The following TRMT11 variants were observed in gnomAD, a reference collection of about 807,000 sequenced individuals.
The protein encoded by TRMT11 is tRNA methyltransferase 11.
Under a neutral mutation model 62.8 loss-of-function variants are expected in TRMT11, and 53 were observed. The ratio of observed to expected loss-of-function variants is 0.84; its 90% CI spans 0.68 to 1.06. TRMT11 has a LOEUF of 1.06. Among genes scored for constraint, TRMT11 ranks in the 50% least tolerant of loss-of-function variants. The probability of loss-of-function intolerance (pLI) is 0.00; values close to 1 mark genes in which losing one functional copy is unlikely to be tolerated. For synonymous variants in TRMT11, 188 were observed against 190.3 expected, an observed-to-expected ratio of 0.99 and a Z score of 0.10; for missense variants, 556 against 553.4, an observed-to-expected ratio of 1.00 and a Z score of -0.05.
chr6:126,015,805 C>A (rs1176676274), intron 11 of TRMT11, among the ~76,000 whole-genome samples: 4 of 152,056 alleles, frequency 2.6e-5, no homozygotes, highest in Non-Finnish European at 5.9e-5. Context: ...CTCTTGTGTC[C>A]TTGGAAGTTT....
chr6:126,227,090 C>T, the TRMT11 span, among the ~76,000 whole-genome samples: 2 of 152,132 alleles, frequency 1.3e-5, no homozygotes, highest in African/African-American at 2.4e-5. Context: ...TGTAAATTGC[C>T]CAGTTTGGGT....
chr6:126,017,953 A>G (rs998411866), intron 11 of TRMT11, among the ~76,000 whole-genome samples: 4 of 152,210 alleles, frequency 2.6e-5, no homozygotes, highest in Non-Finnish European at 4.4e-5. Flanking sequence ...CCCAGGCTCC[A>G]TATATCCATT....
intron 1 of TRMT11, among the ~76,000 whole-genome samples, chr6:125,989,395 A>G (rs1326025860): frequency 6.6e-6 from 1 of 152,070 alleles, no homozygotes. Context: ...GATTACAGGC[A>G]TGAGCCACTG....
chr6:126,243,468 A>G, the TRMT11 span, among the ~76,000 whole-genome samples: 3 of 152,212 alleles, frequency 2.0e-5, no homozygotes, highest in Non-Finnish European at 2.9e-5. Flanking sequence ...TCATGCTGCT[A>G]TAAAGACACA....
intron 1 of TRMT11, among the ~76,000 whole-genome samples, chr6:126,180,012 A>G (rs1160196635): frequency 6.6e-6 from 1 of 152,186 alleles, no homozygotes; most frequent in Non-Finnish European, 1.5e-5. Flanking sequence ...AACTATAATA[A>G]ATCAATATGC....
chr6:126,232,901 C>T, the TRMT11 span, among the ~76,000 whole-genome samples: 3,535 of 152,186 alleles, frequency 0.023, 126 homozygotes, highest in African/African-American at 0.08. Context: ...AGTCATGTGG[C>T]GCTGGCTAAA....
chr6:126,155,380 C>T (rs560612805), intron 21 of TRMT11, among the ~76,000 whole-genome samples: 1 of 152,324 alleles, frequency 6.6e-6, no homozygotes, highest in African/African-American at 2.4e-5. Flanking sequence ...TTCAGTATTA[C>T]ATTTTAACAT....
chr6:126,080,105 GTTGTTGTTT>G (rs1176075504), intron 17 of TRMT11, among the ~76,000 whole-genome samples: 2 of 151,856 alleles, frequency 1.3e-5, no homozygotes, highest in African/African-American at 4.8e-5. Flanking sequence ...TGTTGTTGTT[GTTGTTGTTT>G]TTTTAGAGAC....
downstream of TRMT11, among the ~76,000 whole-genome samples, chr6:126,043,300 G>A (rs1446349082): frequency 1.8e-4 from 27 of 147,768 alleles, no homozygotes; most frequent in African/African-American, 6.5e-4. Flanking sequence ...GAGAACATGC[G>A]GTGTTTTGTT....
chr6:126,031,668 G>T (rs1774225394), intron 12 of TRMT11, among the ~76,000 whole-genome samples: 1 of 152,180 alleles, frequency 6.6e-6, no homozygotes, highest in Admixed American at 6.5e-5. Flanking sequence ...AGCAGTGGGG[G>T]AGGATCAGCT....
At chr6:126,229,563 C>T in the TRMT11 span, among the ~76,000 whole-genome samples, 252 of 152,258 alleles carry the variant, frequency 1.7e-3, 1 homozygote, top group African/African-American at 5.8e-3. Flanking sequence ...GGAAAGTGGC[C>T]ACAAGATAAA....
At chr6:126,040,588 T>C (rs1775847406), downstream of TRMT11, among the ~76,000 whole-genome samples, 2 of 152,128 alleles carry the variant, frequency 1.3e-5, no homozygotes, top group Non-Finnish European at 2.9e-5. Flanking sequence ...TCTGGTTTTC[T>C]ATGTTACCAC....
chr6:126,129,843 C>T (rs1033512197), intron 21 of TRMT11, among the ~76,000 whole-genome samples: 2 of 151,994 alleles, frequency 1.3e-5, no homozygotes, highest in African/African-American at 2.4e-5. Context: ...TATCTGTATC[C>T]CCTACCCTGT....
At chr6:126,015,622 C>T (rs901147775) in intron 11 of TRMT11, among the ~76,000 whole-genome samples, 1 of 152,178 alleles carries the variant, frequency 6.6e-6, no homozygotes, top group Admixed American at 6.5e-5. Flanking sequence ...TCCTATCTAA[C>T]CATGATCCAC....
At chr6:126,100,482 A>G (rs1777386103) in intron 17 of TRMT11, among the ~76,000 whole-genome samples, 1 of 152,104 alleles carries the variant, frequency 6.6e-6, no homozygotes, top group Admixed American at 6.5e-5. Context: ...GTTGCATGTG[A>G]CAGAAACCCG....
intron 12 of TRMT11, among the ~76,000 whole-genome samples, chr6:126,037,221 CCA>C (rs1220489221): frequency 2.0e-5 from 3 of 152,028 alleles, no homozygotes; most frequent in African/African-American, 7.2e-5. Flanking sequence ...CCTAGCTCTG[CCA>C]CTTACCAGGT....
At chr6:126,003,292 A>G (rs1437544763) in intron 7 of TRMT11, among the ~76,000 whole-genome samples, 1 of 152,076 alleles carries the variant, frequency 6.6e-6, no homozygotes, top group East Asian at 1.9e-4. Context: ...TTAGCTCACC[A>G]GCTATCATTA....
intron 8 of TRMT11, among the ~76,000 whole-genome samples, chr6:126,010,477 T>C (rs1012877680): frequency 6.6e-6 from 1 of 152,002 alleles, no homozygotes; most frequent in Non-Finnish European, 1.5e-5. Context: ...AGAGCAAACA[T>C]GTAACTGCCT....
At chr6:126,222,912 T>C in the TRMT11 span, among the ~76,000 whole-genome samples, 1 of 151,408 alleles carries the variant, frequency 6.6e-6, no homozygotes, top group Non-Finnish European at 1.5e-5. Context: ...AACTGCTTTA[T>C]AGTGTCAATG....
Sources: gnomAD v4.1 joint callset for allele counts (sites outside exome capture counted in the v4.1 genomes callset) on GRCh38, gnomAD v4.1.1 for gene constraint, MANE v1.5 for transcripts, NCBI Gene and HGNC (gene_info 2026-07-23, HGNC 2026-07-21) for gene names.